The following ZFHX3 variants were observed in gnomAD, a reference collection of about 807,000 sequenced individuals.
The protein encoded by ZFHX3 is zinc finger homeobox 3, also known as zinc finger homeobox protein 3.
ZFHX3 carries 42 observed loss-of-function variants against 279.1 expected under a neutral mutation model. The observed-to-expected ratio is 0.15, with a 90% CI of 0.12 to 0.19. The LOEUF is 0.19. ZFHX3 is among the 10% of genes least tolerant of loss of function. The pLI, the probability that ZFHX3 is intolerant of heterozygous loss-of-function variation, is 1.00. For missense variants in ZFHX3, 4,981 were observed against 4,754.0 expected (o/e 1.05, Z -1.40); for synonymous variants, 2,293 against 1,957.8 (o/e 1.17, Z -4.52).
chr16:73,237,919 A>G (rs2013004817), intron 5 of ZFHX3, among the ~76,000 whole-genome samples: 1 of 152,096 alleles, frequency 6.6e-6, no homozygotes, highest in Admixed American at 6.5e-5. Context: ...CTACATTTGT[A>G]CTATTTTTAC....
At chr16:73,740,381 A>T (rs8062276) in intron 1 of ZFHX3, among the ~76,000 whole-genome samples, 6,400 of 152,160 alleles carry the variant, frequency 0.042, 488 homozygotes, top group African/African-American at 0.15. Context: ...TCTGTTAAAA[A>T]GAACATCCTT....
At chr16:73,748,454 AGC>A (rs1183644851) in intron 1 of ZFHX3, among the ~76,000 whole-genome samples, 1 of 152,208 alleles carries the variant, frequency 6.6e-6, no homozygotes, top group Non-Finnish European at 1.5e-5. Context: ...CAAGATCTCC[AGC>A]TTCATTCATT....
intron 1 of ZFHX3, among the ~76,000 whole-genome samples, chr16:73,887,275 G>A (rs1046975559): frequency 6.6e-6 from 1 of 152,096 alleles, no homozygotes; most frequent in Admixed American, 6.6e-5. Flanking sequence ...TAAAACAAAC[G>A]AGAGATTTTG....
At chr16:73,085,305 G>C (rs979474048) in intron 8 of ZFHX3, among the ~76,000 whole-genome samples, 1 of 151,928 alleles carries the variant, frequency 6.6e-6, no homozygotes, top group African/African-American at 2.4e-5. Context: ...CTTGTTGCCC[G>C]GGCTGGAGTG....
intron 3 of ZFHX3, among the ~76,000 whole-genome samples, chr16:73,450,004 T>C (rs8054269): frequency 0.016 from 2,402 of 152,332 alleles, 55 homozygotes; most frequent in African/African-American, 0.055. Flanking sequence ...TTGTCATGCA[T>C]AACCCTATTT....
intron 2 of ZFHX3, among the ~76,000 whole-genome samples, chr16:73,626,039 G>A (rs907230500): frequency 3.3e-5 from 5 of 152,008 alleles, no homozygotes; most frequent in African/African-American, 9.7e-5. Flanking sequence ...TCTATTTTTA[G>A]TAGAGACGGG....
At chr16:73,041,383 G>A (rs56049219) in intron 1 of ZFHX3, among the ~76,000 whole-genome samples, 9,129 of 123,912 alleles carry the variant, frequency 0.074, 377 homozygotes, top group Middle Eastern at 0.16. Context: ...AACCAGCTTC[G>A]ACTGCCTCCG....
At chr16:72,954,392 G>A (rs954730168) in intron 2 of ZFHX3, among the ~76,000 whole-genome samples, 213 of 152,232 alleles carry the variant, frequency 1.4e-3, no homozygotes, top group African/African-American at 5.0e-3. Flanking sequence ...ATGAAAAAAA[G>A]AACTTGGCAG....
intron 5 of ZFHX3, among the ~76,000 whole-genome samples, chr16:73,147,153 A>G (rs1966867361): frequency 6.6e-6 from 1 of 152,204 alleles, no homozygotes; most frequent in South Asian, 2.1e-4. Flanking sequence ...ATGATGGCAT[A>G]TGGGGAGACG....
At chr16:72,991,419 T>G (rs1268746676) in intron 1 of ZFHX3, among the ~76,000 whole-genome samples, 1 of 152,198 alleles carries the variant, frequency 6.6e-6, no homozygotes, top group Non-Finnish European at 1.5e-5. Context: ...GTATATGCTC[T>G]GAGCTGGCAT....
At chr16:73,376,173 T>G (rs1360121545) in intron 3 of ZFHX3, among the ~76,000 whole-genome samples, 4 of 152,200 alleles carry the variant, frequency 2.6e-5, no homozygotes, top group Non-Finnish European at 5.9e-5. Flanking sequence ...AGCTGCCTTT[T>G]TATGTTAGAT....
At chr16:72,877,390 T>C (rs2038340802) in intron 4 of ZFHX3, among the ~76,000 whole-genome samples, 1 of 151,774 alleles carries the variant, frequency 6.6e-6, no homozygotes, top group Non-Finnish European at 1.5e-5. Flanking sequence ...GTTGTTACAA[T>C]ATCTAATAGT....
chr16:73,765,520 A>G (rs917716093), intron 1 of ZFHX3, among the ~76,000 whole-genome samples: 4 of 152,242 alleles, frequency 2.6e-5, no homozygotes, highest in African/African-American at 7.2e-5. Context: ...TCAACTGTTC[A>G]TGGCTCTTGG....
intron 6 of ZFHX3, among the ~76,000 whole-genome samples, chr16:73,132,507 TCCA>T (rs1440353143): frequency 6.6e-6 from 1 of 152,164 alleles, no homozygotes; most frequent in Non-Finnish European, 1.5e-5. Flanking sequence ...TCTCTGTAGT[TCCA>T]CTCCTAGCAA....
At chr16:73,750,084 G>A (rs1332098513) in intron 1 of ZFHX3, among the ~76,000 whole-genome samples, 1 of 152,074 alleles carries the variant, frequency 6.6e-6, no homozygotes, top group Admixed American at 6.5e-5. Context: ...GAGAGTCAAG[G>A]GATGCACCTT....
intron 7 of ZFHX3, among the ~76,000 whole-genome samples, chr16:73,096,257 T>C (rs945332046): frequency 1.3e-5 from 2 of 151,836 alleles, no homozygotes; most frequent in African/African-American, 4.8e-5. Context: ...CTCCCAGTGC[T>C]GGAGACCGGG....
intron 1 of ZFHX3, among the ~76,000 whole-genome samples, chr16:73,844,651 A>T (rs1961398298): frequency 6.6e-6 from 1 of 152,008 alleles, no homozygotes; most frequent in South Asian, 2.1e-4. Flanking sequence ...GGAAGGATGG[A>T]CAGACTGACA....
At chr16:73,819,433 C>G (rs1445304520) in intron 1 of ZFHX3, among the ~76,000 whole-genome samples, 1 of 151,828 alleles carries the variant, frequency 6.6e-6, no homozygotes, top group Non-Finnish European at 1.5e-5. Context: ...TTGTTGACAA[C>G]CACTGGGTTA....
chr16:72,953,041 C>CT (rs964657978), intron 2 of ZFHX3, among the ~76,000 whole-genome samples: 1 of 151,788 alleles, frequency 6.6e-6, no homozygotes, highest in South Asian at 2.1e-4. Context: ...ATATTTTTTT[C>CT]TTTTTTTTAT....
Sources: gnomAD v4.1 joint callset for allele counts (sites outside exome capture counted in the v4.1 genomes callset) on GRCh38, gnomAD v4.1.1 for gene constraint, MANE v1.5 for transcripts, NCBI Gene and HGNC (gene_info 2026-07-23, HGNC 2026-07-21) for gene names.